Variants in USP49 observed in about 807,000 individuals in gnomAD.
USP49 encodes ubiquitin specific peptidase 49, also known as ubiquitin carboxyl-terminal hydrolase 49.
A neutral mutation model predicts 58.6 loss-of-function variants in USP49; 24 were observed. That is an observed-to-expected ratio of 0.41 (90% CI 0.30 to 0.58). The LOEUF (loss-of-function observed/expected upper bound fraction) is 0.58. Among genes scored for constraint, USP49 ranks in the 20% least tolerant of loss-of-function variants. The pLI is 0.30. For missense variants in USP49, 703 were observed against 866.1 expected (o/e 0.81, Z 2.36); for synonymous variants, 408 against 365.1 (o/e 1.12, Z -1.34).
intron 3 of USP49, among the ~76,000 whole-genome samples, chr6:41,810,218 C>A (rs1473053055): frequency 6.6e-6 from 1 of 151,806 alleles, no homozygotes; most frequent in African/African-American, 2.4e-5. Flanking sequence ...CAGTGGCTCA[C>A]GCCTGTAATC....
At chr6:41,824,498 G>C (rs1773504833) in intron 3 of USP49, among the ~76,000 whole-genome samples, 1 of 151,744 alleles carries the variant, frequency 6.6e-6, no homozygotes, top group African/African-American at 2.4e-5. Context: ...ATCACCTGAG[G>C]TCGGGAGTTC....
At position 41,790,458 on chromosome 6, in the gene USP49, G is replaced by T. The variant is rs1044068024; in HGVS notation, c.*6075C>A. On this transcript the variant is annotated 3_prime_UTR_variant, in exon 8 of 8. Transcript: ENST00000682992. ...GTATAGACTTATATAGCCATAGAAA[G>T]AGGTGGATAGAAACAGGTCCACCAT... 12 of 152,306 alleles carry T rather than the reference G, an allele frequency of 7.9e-5. No individual in the cohort carries two copies. Among genetic ancestry groups the T allele is most frequent in the Admixed American group, 7.2e-4 (11 of 15,300 alleles). 9.4% of individuals were successfully genotyped at this position (152,306 alleles called of 1,614,324 possible). A position where few individuals can be genotyped will look rare whatever the true frequency, so the allele number is the denominator to read the frequency against.
intron 3 of USP49, among the ~76,000 whole-genome samples, chr6:41,854,656 G>C (rs1435410211): frequency 6.6e-6 from 1 of 152,148 alleles, no homozygotes; most frequent in East Asian, 1.9e-4. Flanking sequence ...GTTTAGGTTG[G>C]TGTATATGTG....
rs149605712 is a variant in USP49, at chr6:41,828,751, TTTTG to T, written c.-28-21744_-28-21741del. On this transcript the variant is annotated intron_variant, in intron 3 of 7. Coordinates refer to ENST00000682992, the MANE Select transcript of USP49 (RefSeq NM_001286554.2). ...ATATGACGCATCTTATAATTTCATCTTTTGTTTATGAAATCCTTTCTTATGCCAA... is the reference window on the plus strand; with the variant it reads ...ATATGACGCATCTTATAATTTCATCTTTTATGAAATCCTTTCTTATGCCAA... Among the ~76,000 whole-genome samples the T allele has an allele frequency of 7.9e-5, 12 of 152,292 alleles. No homozygotes were observed. In the East Asian group the frequency reaches 2.3e-3, roughly 29 times the overall value.
rs1772820815 is a variant in USP49, at chr6:41,792,876, A to G, written c.*3657T>C. On this transcript the variant is annotated 3_prime_UTR_variant, in exon 8 of 8. Transcript: ENST00000682992. ...CAAGGCACCAAATTTTATGAATTGT[A>G]TAAAATTAGTTCACAAAGCTTTATC... The G allele has an allele frequency of 6.6e-6, 1 of 152,262 alleles. No individual in the cohort carries two copies. 9.4% of individuals were successfully genotyped at this position (152,262 alleles called of 1,614,324 possible). A position where few individuals can be genotyped will look rare whatever the true frequency, so the allele number is the denominator to read the frequency against.
chr6:41,835,518 C>A (rs188845442), intron 3 of USP49, among the ~76,000 whole-genome samples: 2 of 151,438 alleles, frequency 1.3e-5, no homozygotes, highest in East Asian at 3.9e-4. Context: ...TCAAGACCAT[C>A]CTGGCCAACA....
Position 41,796,540 on chromosome 6 carries a change from A to G in USP49, c.2060T>C (p.Phe687Ser). Residue 687 changes from phenylalanine (F) to serine (S), a missense_variant, in exon 8 of 8, where the codon TTT (phenylalanine) becomes TCT (serine). Coordinates refer to ENST00000682992, the MANE Select transcript of USP49 (RefSeq NM_001286554.2). ...TTGATACATGCCTCCCATTCAGGAA[A>G]ATGTCTGTGGTCTGCCTTCATCATT... ...SNNDEGRPQT[F>S]S 1 of 717,296 alleles carries G rather than the reference A, an allele frequency of 1.4e-6. No individual in the cohort carries two copies. The highest frequency in any genetic ancestry group is 2.6e-6 in the Non-Finnish European group (1 of 385,014). 44.4% of individuals were successfully genotyped at this position (717,296 alleles called of 1,614,324 possible). A position where few individuals can be genotyped will look rare whatever the true frequency, so the allele number is the denominator to read the frequency against.
intron 4 of USP49, among the ~76,000 whole-genome samples, chr6:41,804,539 C>T (rs933576015): frequency 1.8e-4 from 28 of 152,306 alleles, no homozygotes; most frequent in African/African-American, 6.5e-4. Context: ...TTCCCAGGTG[C>T]ACCTTTCTTC....
At chr6:41,836,529 A>G (rs576548982) in intron 3 of USP49, among the ~76,000 whole-genome samples, 1 of 152,328 alleles carries the variant, frequency 6.6e-6, no homozygotes, top group Admixed American at 6.5e-5. Flanking sequence ...CAGAACAATC[A>G]GGCAAGAAAA....
chr6:41,860,701 A>G (rs1774205416), intron 3 of USP49, among the ~76,000 whole-genome samples: 2 of 151,896 alleles, frequency 1.3e-5, no homozygotes, highest in South Asian at 4.2e-4. Flanking sequence ...TAGTAGAGAC[A>G]TAGTTTCACC....
At chr6:41,881,197 G>A (rs1253047389) in intron 2 of USP49, among the ~76,000 whole-genome samples, 2 of 147,542 alleles carry the variant, frequency 1.4e-5, no homozygotes, top group East Asian at 4.1e-4. Context: ...CTCCCAAAGT[G>A]CTGAGATTAC....
intron 3 of USP49, among the ~76,000 whole-genome samples, chr6:41,859,521 G>T (rs1016752103): frequency 1.3e-5 from 2 of 152,104 alleles, no homozygotes; most frequent in Admixed American, 1.3e-4. Context: ...ATGCTGTACT[G>T]TAATTGTCTG....
intron 3 of USP49, among the ~76,000 whole-genome samples, chr6:41,831,925 T>C (rs1045352780): frequency 6.6e-6 from 1 of 152,236 alleles, no homozygotes; most frequent in Non-Finnish European, 1.5e-5. Flanking sequence ...TTCCTTGAGA[T>C]GCTATCCTTC....
At chr6:41,877,133 A>G (rs1181911205) in intron 2 of USP49, among the ~76,000 whole-genome samples, 3 of 152,242 alleles carry the variant, frequency 2.0e-5, no homozygotes, top group Non-Finnish European at 4.4e-5. Context: ...ATTCAAAAGT[A>G]TTAGTTTGCC....
At chr6:41,847,919 C>A (rs113763986) in intron 3 of USP49, among the ~76,000 whole-genome samples, 2 of 152,228 alleles carry the variant, frequency 1.3e-5, no homozygotes, top group African/African-American at 4.8e-5. Flanking sequence ...TGGATATGCA[C>A]ATTAAAGAAC....
chr6:41,853,048 T>C (rs935009449), intron 3 of USP49, among the ~76,000 whole-genome samples: 4 of 152,114 alleles, frequency 2.6e-5, no homozygotes, highest in African/African-American at 4.8e-5. Context: ...TAGCTGGGCA[T>C]GGTGGCCTGC....
chr6:41,790,786 T>C lies in USP49; in HGVS notation c.*5747A>G, dbSNP rs1425170376. 2.0e-5 allele frequency: 3 copies of C among 152,154 alleles called. No individual in the cohort carries two copies. Among genetic ancestry groups the C allele is most frequent in the Non-Finnish European group, 4.4e-5 (3 of 68,034 alleles). The allele number at this position is 152,154 out of a possible 1,614,324, so 9.4% of individuals were successfully genotyped here. The stretch of plus-strand genomic sequence containing the variant: ...AGCACCATTCTTTGTATAAATCAGA[T>C]AGATCTTATCTGATAGATGAAGCTA... On this transcript the variant is annotated 3_prime_UTR_variant, in exon 8 of 8. Coordinates refer to ENST00000682992, the MANE Select transcript of USP49 (RefSeq NM_001286554.2).
At chr6:41,827,489 G>A (rs1293562405) in intron 3 of USP49, among the ~76,000 whole-genome samples, 6 of 151,848 alleles carry the variant, frequency 4.0e-5, no homozygotes, top group African/African-American at 7.3e-5. Context: ...GTGAAACCCC[G>A]TCTCTACTAA....
At chr6:41,810,461 C>T (rs1561906352) in intron 3 of USP49, among the ~76,000 whole-genome samples, 1 of 150,730 alleles carries the variant, frequency 6.6e-6, no homozygotes, top group Non-Finnish European at 1.5e-5. Context: ...CGCACTCCAG[C>T]CTGGGGGACA....
Sources: gnomAD v4.1 joint callset for allele counts (sites outside exome capture counted in the v4.1 genomes callset) on GRCh38, gnomAD v4.1.1 for gene constraint, MANE v1.5 for transcripts, NCBI Gene and HGNC (gene_info 2026-07-23, HGNC 2026-07-21) for gene names.